Variants in TNFSF13B observed in about 807,000 individuals in gnomAD.
TNFSF13B encodes the protein TNF superfamily member 13b.
A neutral mutation model predicts 29.1 loss-of-function variants in TNFSF13B; 8 were observed. The ratio of observed to expected loss-of-function variants is 0.27; its 90% CI spans 0.16 to 0.50. The LOEUF is 0.50. Among genes scored for constraint, TNFSF13B ranks in the 20% least tolerant of loss-of-function variants. The probability of loss-of-function intolerance (pLI) is 0.98; values close to 1 mark genes in which losing one functional copy is unlikely to be tolerated. For missense variants in TNFSF13B, 248 were observed against 334.9 expected (o/e 0.74, Z 2.03); for synonymous variants, 125 against 130.8 (o/e 0.96, Z 0.30).
At chr13:108,300,694 T>C (rs145123272) in intron 3 of TNFSF13B, among the ~76,000 whole-genome samples, 102 of 152,372 alleles carry the variant, frequency 6.7e-4, no homozygotes, top group African/African-American at 2.4e-3. Flanking sequence ...ACTATTACTA[T>C]ACAAGAGGGC....
chr13:108,279,333 T>C lies in TNFSF13B; in HGVS notation c.425-7470T>C, dbSNP rs571399219. 3.9e-5 allele frequency among the ~76,000 whole-genome samples: 6 copies of C among 152,320 alleles called. No individual in the cohort carries two copies. In the South Asian group the frequency reaches 6.2e-4, roughly 16 times the overall value. ...GCGTGTATAGTAACATGTATTTCAATAGATGATATGCAAAGTATAGTGGGA... is the reference window on the plus strand; with the variant it reads ...GCGTGTATAGTAACATGTATTTCAACAGATGATATGCAAAGTATAGTGGGA... On this transcript the variant is annotated intron_variant, in intron 2 of 5. Transcript: ENST00000375887.
At chr13:108,285,617 C>T (rs536119451) in intron 2 of TNFSF13B, among the ~76,000 whole-genome samples, 1 of 152,278 alleles carries the variant, frequency 6.6e-6, no homozygotes, top group East Asian at 1.9e-4. Flanking sequence ...ATTGAACCAC[C>T]ATCAGATATG....
At chr13:108,304,861 G>C (rs1881725881) in intron 5 of TNFSF13B, among the ~76,000 whole-genome samples, 1 of 152,112 alleles carries the variant, frequency 6.6e-6, no homozygotes, top group South Asian at 2.1e-4. Context: ...TATAAAATTA[G>C]AATTCCCTAA....
At chr13:108,293,846 G>A (rs1429374743) in intron 3 of TNFSF13B, among the ~76,000 whole-genome samples, 2 of 152,168 alleles carry the variant, frequency 1.3e-5, no homozygotes, top group African/African-American at 4.8e-5. Flanking sequence ...TCACATGGCT[G>A]AGAACAGAGA....
chr13:108,305,003 A>T (rs993227178), intron 5 of TNFSF13B, among the ~76,000 whole-genome samples: 11 of 151,938 alleles, frequency 7.2e-5, no homozygotes, highest in African/African-American at 2.7e-4. Context: ...TTTACAAGTA[A>T]CTCTTTAAAA....
chr13:108,283,665 A>G (rs1594522252), intron 2 of TNFSF13B, among the ~76,000 whole-genome samples: 1 of 152,202 alleles, frequency 6.6e-6, no homozygotes, highest in South Asian at 2.1e-4. Context: ...ACAAAATACC[A>G]TAGACTGAGT....
At chr13:108,305,411 A>C (rs530834185) in intron 5 of TNFSF13B, among the ~76,000 whole-genome samples, 1 of 152,174 alleles carries the variant, frequency 6.6e-6, no homozygotes, top group Non-Finnish European at 1.5e-5. Flanking sequence ...TGATTGCTGT[A>C]ATCTGGAAGA....
intron 3 of TNFSF13B, among the ~76,000 whole-genome samples, chr13:108,301,663 C>T (rs929263905): frequency 6.6e-6 from 1 of 151,996 alleles, no homozygotes; most frequent in Admixed American, 6.6e-5. Flanking sequence ...GGTGAAAAGA[C>T]GTTGGTCAAA....
chr13:108,276,092 C>T (rs1215755591), intron 2 of TNFSF13B, among the ~76,000 whole-genome samples: 1 of 152,206 alleles, frequency 6.6e-6, no homozygotes, highest in Non-Finnish European at 1.5e-5. Context: ...AATGTCCAGT[C>T]TTTGCCCGGT....
rs1881824571 is a variant in TNFSF13B at position 108,307,885 on chromosome 13, C to A, written c.*947C>A. The A allele has an allele frequency of 6.6e-6, 1 of 152,000 alleles. No individual in the cohort carries two copies. Among genetic ancestry groups the A allele is most frequent in the Non-Finnish European group, 1.5e-5 (1 of 67,952 alleles). The allele number at this position is 152,000 out of a possible 1,614,324, so 9.4% of individuals were successfully genotyped here. On this transcript the variant is annotated 3_prime_UTR_variant, in exon 6 of 6. Transcript: ENST00000375887. ...CCTTTAAAAATATTCCTCTTATTAG[C>A]TTTATATTCACTTTATAGAAGTTGA... is the stretch of plus-strand genomic sequence containing the variant.
chr13:108,305,943 T>C (rs1881763734), intron 5 of TNFSF13B, among the ~76,000 whole-genome samples: 1 of 152,160 alleles, frequency 6.6e-6, no homozygotes, highest in South Asian at 2.1e-4. Context: ...ACAATGAAAC[T>C]ATTCTAAAAA....
intron 2 of TNFSF13B, among the ~76,000 whole-genome samples, chr13:108,278,578 C>CCTCTTCCTCCTCCTCCCCTTCTCT (rs1566399256): frequency 1.2e-3 from 2 of 1,646 alleles, no homozygotes; most frequent in Non-Finnish European, 1.3e-3. Flanking sequence ...ACCCCCTCCT[C>CCTCTTCCTCCTCCTCCCCTTCTCT]TCCTCCTCCT....
intron 2 of TNFSF13B, among the ~76,000 whole-genome samples, chr13:108,280,000 G>C (rs139049491): frequency 1.6e-4 from 24 of 151,344 alleles, no homozygotes; most frequent in African/African-American, 5.8e-4. Context: ...AATTCTGTCC[G>C]TGTGATGTTG....
intron 2 of TNFSF13B, among the ~76,000 whole-genome samples, chr13:108,277,075 G>T (rs1880782524): frequency 6.6e-6 from 1 of 152,180 alleles, no homozygotes; most frequent in African/African-American, 2.4e-5. Context: ...AATATACAGA[G>T]AAGAGGACAG....
chr13:108,299,641 T>C (rs931170603), intron 3 of TNFSF13B, among the ~76,000 whole-genome samples: 2 of 152,132 alleles, frequency 1.3e-5, no homozygotes, highest in South Asian at 2.1e-4. Flanking sequence ...AAAATAAAAA[T>C]AAAAATCTCT....
chr13:108,275,425 A>C (rs1880736248), intron 2 of TNFSF13B, among the ~76,000 whole-genome samples: 1 of 152,110 alleles, frequency 6.6e-6, no homozygotes. Flanking sequence ...CTGTTAATTA[A>C]TAACTATTAG....
At chr13:108,290,284 T>C in intron 3 of TNFSF13B, among the ~76,000 whole-genome samples, 1 of 152,158 alleles carries the variant, frequency 6.6e-6, no homozygotes, top group Admixed American at 6.5e-5. Context: ...ATTTAACCAG[T>C]CTCCTACCAA....
chr13:108,302,788 T>C (rs1013177228), intron 3 of TNFSF13B: 1 of 985,558 alleles, frequency 1.0e-6, no homozygotes, highest in African/African-American at 1.7e-5. Flanking sequence ...TCCCTTCTGT[T>C]GCCACATTTG....
intron 3 of TNFSF13B, among the ~76,000 whole-genome samples, chr13:108,288,376 C>A (rs1881203659): frequency 6.6e-6 from 1 of 152,050 alleles, no homozygotes; most frequent in African/African-American, 2.4e-5. Flanking sequence ...CTGATAAACC[C>A]ATCCTAAGCT....
Sources: allele counts gnomAD v4.1 joint callset (sites outside exome capture counted in the v4.1 genomes callset), GRCh38; gene constraint gnomAD v4.1.1; transcripts MANE v1.5; gene names NCBI Gene and HGNC (gene_info 2026-07-23, HGNC 2026-07-21).